Variants in GLYATL2 observed in about 807,000 individuals in gnomAD.
The protein encoded by GLYATL2 is glycine-N-acyltransferase like 2.
In GLYATL2, 25 loss-of-function variants were observed where a neutral mutation model predicts 21.4. The ratio of observed to expected loss-of-function variants is 1.17; its 90% CI spans 0.85 to 1.63. GLYATL2 has a LOEUF of 1.63. GLYATL2 is among the 40% of genes most tolerant of loss of function. The pLI, the probability that GLYATL2 is intolerant of heterozygous loss-of-function variation, is 0.00. For missense variants in GLYATL2, 361 were observed against 343.3 expected (o/e 1.05, Z -0.41); for synonymous variants, 114 against 118.2 (o/e 0.96, Z 0.23).
upstream of GLYATL2, chr11:58,905,430 G>T (rs1013476598): frequency 8.8e-6 from 4 of 452,008 alleles, no homozygotes; most frequent in African/African-American, 4.0e-5. Context: ...ACCCATCAGC[G>T]GCAGAAGGGC....
intron 1 of GLYATL2, among the ~76,000 whole-genome samples, chr11:58,863,698 G>A (rs750345775): frequency 6.6e-6 from 1 of 151,950 alleles, no homozygotes; most frequent in Non-Finnish European, 1.5e-5. Flanking sequence ...GAGGTTGGGT[G>A]TATGAGTTCT....
At chr11:58,889,860 C>T (rs892628227) in intron 1 of GLYATL2, among the ~76,000 whole-genome samples, 1 of 152,050 alleles carries the variant, frequency 6.6e-6, no homozygotes, top group African/African-American at 2.4e-5. Context: ...CATCTGTTAC[C>T]AAAGTCTAGT....
intron 1 of GLYATL2, among the ~76,000 whole-genome samples, chr11:58,858,468 TAA>T (rs5792132): frequency 0.87 from 132,010 of 151,152 alleles, 59,017 homozygotes; most frequent in Non-Finnish European, 0.97. Context: ...TGGGCTTTTT[TAA>T]AAAAAAAAAA....
chr11:58,845,746 CA>C (rs1853631069), upstream of GLYATL2, among the ~76,000 whole-genome samples: 1 of 152,122 alleles, frequency 6.6e-6, no homozygotes, highest in South Asian at 2.1e-4. Flanking sequence ...CCCCAGGTCA[CA>C]AAACTAACCA....
chr11:58,873,692 A>G lies in GLYATL2; in HGVS notation n.60+30464T>C, dbSNP rs534127577. ...CTGTTGCTGGATTCAGTTTGCCAGT[A>G]TTTTATTGAGGATTTTTGCATCAAT... is the stretch of plus-strand genomic sequence containing the variant. On this transcript the variant is annotated intron_variant and non_coding_transcript_variant, in intron 1 of 4. Transcript: ENST00000533636. Among the ~76,000 whole-genome samples the G allele has an allele frequency of 2.6e-3, 394 of 152,254 alleles. 1 individual carries two copies. The highest frequency in any genetic ancestry group is 4.8e-3 in the South Asian group (23 of 4,818).
At chr11:58,891,800 C>T (rs532870934) in intron 1 of GLYATL2, among the ~76,000 whole-genome samples, 1 of 152,214 alleles carries the variant, frequency 6.6e-6, no homozygotes, top group South Asian at 2.1e-4. Flanking sequence ...ATATGTGTGG[C>T]CCAAGAGGTG....
chr11:58,893,337 T>A (rs913013799), intron 1 of GLYATL2: 1 of 208,156 alleles, frequency 4.8e-6, no homozygotes, highest in African/African-American at 2.3e-5. Context: ...ATATTCCATT[T>A]TACCTCTCTG....
rs114417279 is a variant in GLYATL2 at position 58,870,761 on chromosome 11, T to G, written n.61-32393A>C. On this transcript the variant is annotated intron_variant and non_coding_transcript_variant, in intron 1 of 4. Transcript: ENST00000533636. Reference sequence around the variant, plus strand: ...GAAATACAGGAAGGCAGATTAATGTTGCATATGCAATAGACGTGTGTTGCA... The same window carrying G: ...GAAATACAGGAAGGCAGATTAATGTGGCATATGCAATAGACGTGTGTTGCA... 5.6e-3 allele frequency among the ~76,000 whole-genome samples: 857 copies of G among 152,310 alleles called. 12 individuals are homozygous for G. Among genetic ancestry groups the G allele is most frequent in the African/African-American group, 0.02 (824 of 41,574 alleles).
In GLYATL2 at chr11:58,886,676, AAATAGT is replaced by A. The variant is rs558419257; in HGVS notation, n.60+17474_60+17479del. Among the ~76,000 whole-genome samples, 839 of 152,350 alleles carry A rather than the reference AAATAGT, an allele frequency of 5.5e-3. 5 individuals are homozygous for A. Among genetic ancestry groups the A allele is most frequent in the Non-Finnish European group, 9.4e-3 (638 of 68,028 alleles). On this transcript the variant is annotated intron_variant and non_coding_transcript_variant, in intron 1 of 4. Transcript: ENST00000533636. ...ATACAAGGAATACATGATTAAGCTG[AAATAGT>A]AATACAAACCTAGGTCTATTTTTTT...
intron 1 of GLYATL2, among the ~76,000 whole-genome samples, chr11:58,888,655 T>C (rs1346830754): frequency 1.3e-5 from 2 of 151,950 alleles, no homozygotes; most frequent in Non-Finnish European, 2.9e-5. Flanking sequence ...TAGTCTTTTC[T>C]CATGCTATTT....
At chr11:58,872,266 T>G (rs553907813) in intron 1 of GLYATL2, among the ~76,000 whole-genome samples, 2 of 152,364 alleles carry the variant, frequency 1.3e-5, no homozygotes, top group East Asian at 3.9e-4. Context: ...TTTCTTTTGC[T>G]GTGCAGAAGC....
chr11:58,891,469 C>T (rs1331520241), intron 1 of GLYATL2, among the ~76,000 whole-genome samples: 1 of 152,174 alleles, frequency 6.6e-6, no homozygotes, highest in Non-Finnish European at 1.5e-5. Flanking sequence ...TATCCTGTAG[C>T]CTTGGGAAAA....
intron 1 of GLYATL2, chr11:58,885,687 G>A: frequency 4.2e-6 from 1 of 238,270 alleles, no homozygotes; most frequent in Admixed American, 4.3e-5. Context: ...CACCTTGCAT[G>A]AGTGCCACAT....
chr11:58,859,749 A>G (rs1853898714), intron 1 of GLYATL2, among the ~76,000 whole-genome samples: 1 of 152,174 alleles, frequency 6.6e-6, no homozygotes. Context: ...TTGCAGTCTC[A>G]GGTCCTACCT....
intron 1 of GLYATL2, among the ~76,000 whole-genome samples, chr11:58,854,036 A>G (rs1245420626): frequency 1.3e-5 from 2 of 152,184 alleles, no homozygotes; most frequent in East Asian, 1.9e-4. Context: ...GATTTCACAT[A>G]TAAGGTAGAT....
intron 1 of GLYATL2, among the ~76,000 whole-genome samples, chr11:58,882,920 T>G (rs1312264482): frequency 6.6e-6 from 1 of 152,220 alleles, no homozygotes; most frequent in African/African-American, 2.4e-5. Flanking sequence ...CATTGGTCTA[T>G]ATCTCTGTTT....
At chr11:58,889,019 C>CT (rs1394811902) in intron 1 of GLYATL2, among the ~76,000 whole-genome samples, 17 of 67,674 alleles carry the variant, frequency 2.5e-4, no homozygotes, top group Non-Finnish European at 5.1e-5. Context: ...TACAAATATG[C>CT]TCTTTTTTTT....
chr11:58,848,388 G>C (rs528709409), upstream of GLYATL2, among the ~76,000 whole-genome samples: 1 of 152,146 alleles, frequency 6.6e-6, no homozygotes, highest in Non-Finnish European at 1.5e-5. Context: ...GAGAAATGGA[G>C]ATATGTGACC....
chr11:58,856,091 A>G (rs577054922), intron 1 of GLYATL2, among the ~76,000 whole-genome samples: 1 of 152,298 alleles, frequency 6.6e-6, no homozygotes, highest in East Asian at 1.9e-4. Context: ...TGATCGCTGC[A>G]CCACTGCATT....
Sources: gnomAD v4.1 joint callset for allele counts (sites outside exome capture counted in the v4.1 genomes callset) on GRCh38, gnomAD v4.1.1 for gene constraint, MANE v1.5 for transcripts, NCBI Gene and HGNC (gene_info 2026-07-23, HGNC 2026-07-21) for gene names.